The following CDC14B variants were observed in gnomAD, a reference collection of about 807,000 sequenced individuals.
The protein encoded by CDC14B is cell division cycle 14B, also known as dual specificity protein phosphatase CDC14B.
A neutral mutation model predicts 64.2 loss-of-function variants in CDC14B; 22 were observed. The ratio of observed to expected loss-of-function variants is 0.34; its 90% CI spans 0.24 to 0.49. The LOEUF (loss-of-function observed/expected upper bound fraction) is 0.49, where lower values mean the gene tolerates loss of function less well. Among genes scored for constraint, CDC14B ranks in the 20% least tolerant of loss-of-function variants. CDC14B has a pLI of 0.99. For synonymous variants in CDC14B, 191 were observed against 215.8 expected, an observed-to-expected ratio of 0.89 and a Z score of 1.01; for missense variants, 498 against 629.9, an observed-to-expected ratio of 0.79 and a Z score of 2.24.
Position 96,564,797 on chromosome 9 carries a change from T to C in CDC14B, c.307A>G (p.Lys103Glu). The C allele has an allele frequency of 1.2e-6, 2 of 1,600,098 alleles. No individual in the cohort carries two copies. Among genetic ancestry groups the C allele is most frequent in the South Asian group, 1.1e-5 (1 of 88,736 alleles). The change falls in exon 3 of 14, where the codon AAG (lysine) becomes GAG (glutamate). Residue 103 changes from lysine (K) to glutamate (E), a missense_variant. Coordinates refer to ENST00000375241, the MANE Select transcript of CDC14B (RefSeq NM_033331.4). ...TTTACCTTTAATTTCTTATTGATCT[T>C]GCAACAATATCTGTAAACCATTGCC... ...NLAMVYRYCCKINKKLKSITM... is the reference protein window; with the variant it reads ...NLAMVYRYCCEINKKLKSITM...
chr9:96,590,114 C>G (rs967298885), intron 1 of CDC14B, among the ~76,000 whole-genome samples: 2 of 152,146 alleles, frequency 1.3e-5, no homozygotes, highest in Non-Finnish European at 2.9e-5. Context: ...TAAACTGAAA[C>G]TCTATATCCA....
intron 1 of CDC14B, among the ~76,000 whole-genome samples, chr9:96,602,403 C>T (rs1588062079): frequency 6.6e-6 from 1 of 152,154 alleles, no homozygotes; most frequent in East Asian, 1.9e-4. Flanking sequence ...TTTATTACCA[C>T]ATATGTTAGT....
chr9:96,552,787 T>C (rs889111878), intron 4 of CDC14B, among the ~76,000 whole-genome samples: 1 of 152,080 alleles, frequency 6.6e-6, no homozygotes, highest in Non-Finnish European at 1.5e-5. Context: ...TTTCAACTAA[T>C]GTACGGAAGG....
intron 1 of CDC14B, among the ~76,000 whole-genome samples, chr9:96,611,990 T>A (rs1847350082): frequency 6.6e-6 from 1 of 152,208 alleles, no homozygotes; most frequent in Non-Finnish European, 1.5e-5. Context: ...TTAGCTGCAA[T>A]TTAATATTAG....
intron 5 of CDC14B, among the ~76,000 whole-genome samples, chr9:96,551,345 C>T (rs762078885): frequency 1.3e-5 from 2 of 151,936 alleles, no homozygotes; most frequent in Non-Finnish European, 2.9e-5. Context: ...TGGTCTGGAA[C>T]TCCTGGGCTC....
At chr9:96,531,869 G>A (rs958865441) in intron 9 of CDC14B, among the ~76,000 whole-genome samples, 1 of 151,948 alleles carries the variant, frequency 6.6e-6, no homozygotes, top group Admixed American at 6.6e-5. Flanking sequence ...CTTCTCAAAT[G>A]GCTGTGTGTT....
chr9:96,551,644 A>G, intron 5 of CDC14B, 152 bp downstream of exon 5: 1 of 1,068,304 alleles, frequency 9.4e-7, no homozygotes, highest in Non-Finnish European at 1.3e-6. Context: ...AAACGTCAAC[A>G]GTGTCACTGT....
intron 1 of CDC14B, among the ~76,000 whole-genome samples, chr9:96,587,558 C>G (rs1434864427): frequency 6.6e-6 from 1 of 152,220 alleles, no homozygotes; most frequent in Non-Finnish European, 1.5e-5. Flanking sequence ...ACACCAGACA[C>G]TCAGCTAATG....
At chr9:96,506,899 G>C (rs1458751859) in intron 13 of CDC14B, among the ~76,000 whole-genome samples, 1 of 152,216 alleles carries the variant, frequency 6.6e-6, no homozygotes, top group East Asian at 1.9e-4. Flanking sequence ...CCTGGCAAGT[G>C]CCAGCCAGGC....
chr9:96,571,436 A>G (rs1195121310), intron 1 of CDC14B, among the ~76,000 whole-genome samples: 1 of 152,126 alleles, frequency 6.6e-6, no homozygotes, highest in African/African-American at 2.4e-5. Flanking sequence ...GGCCTCCCAG[A>G]GTTTTGGGAT....
intron 1 of CDC14B, among the ~76,000 whole-genome samples, chr9:96,617,702 T>C (rs1847717520): frequency 6.6e-6 from 1 of 152,192 alleles, no homozygotes; most frequent in Non-Finnish European, 1.5e-5. Context: ...GAAGAGTAGT[T>C]GCCTCTAGAG....
At chr9:96,603,467 C>T (rs16911406) in intron 1 of CDC14B, among the ~76,000 whole-genome samples, 4,425 of 152,208 alleles carry the variant, frequency 0.029, 198 homozygotes, top group African/African-American at 0.1. Flanking sequence ...CAGGCATAGG[C>T]CAATGATAAA....
chr9:96,587,913 A>G (rs1845552540), intron 1 of CDC14B, among the ~76,000 whole-genome samples: 2 of 152,104 alleles, frequency 1.3e-5, no homozygotes, highest in Admixed American at 1.3e-4. Flanking sequence ...TCATAGTGTT[A>G]TTTCAAGGAA....
intron 1 of CDC14B, among the ~76,000 whole-genome samples, chr9:96,594,935 G>A (rs1204888437): frequency 3.9e-5 from 6 of 152,038 alleles, no homozygotes; most frequent in Admixed American, 6.6e-5. Context: ...GACGGATCAC[G>A]AGGTCAAGAG....
In CDC14B at chr9:96,503,119, G is replaced by C. The variant is rs1833701567; in HGVS notation, c.*634C>G. 2 of 372,664 alleles carry C rather than the reference G, an allele frequency of 5.4e-6. No individual in the cohort carries two copies. The highest frequency in any genetic ancestry group is 7.6e-5 in the East Asian group (2 of 26,252). 23.1% of individuals were successfully genotyped at this position (372,664 alleles called of 1,614,324 possible). ...TCTCTTGCAAGTTTTAGGTTACTAA[G>C]GTACCACCTGGTCTTACAACATGCA... is the stretch of plus-strand genomic sequence containing the variant. On this transcript the variant is annotated 3_prime_UTR_variant, in exon 14 of 14. Coordinates refer to ENST00000375241, the MANE Select transcript of CDC14B (RefSeq NM_033331.4).
intron 5 of CDC14B, among the ~76,000 whole-genome samples, chr9:96,542,100 T>C (rs542392655): frequency 6.6e-6 from 1 of 152,356 alleles, no homozygotes; most frequent in South Asian, 2.1e-4. Context: ...TACTGTTTTA[T>C]GGGCCTGGAT....
intron 12 of CDC14B, among the ~76,000 whole-genome samples, chr9:96,519,730 TAAAAAAAA>T (rs59101582): frequency 9.0e-6 from 1 of 111,368 alleles, no homozygotes; most frequent in Admixed American, 1.0e-4. Flanking sequence ...GACTCTGTCT[TAAAAAAAA>T]AAAAAAAAAA....
downstream of CDC14B, among the ~76,000 whole-genome samples, chr9:96,498,665 A>G (rs1055416036): frequency 5.9e-5 from 9 of 152,254 alleles, no homozygotes; most frequent in African/African-American, 2.2e-4. Context: ...TCTTTCCCCA[A>G]TTATCTAGAG....
chr9:96,501,902 C>T lies in CDC14B; in HGVS notation c.*1851G>A, dbSNP rs1224620108. ...ACTAAGAAGGGATCAGATAGAAGCACGATTTTCACAACTACCTGGATTATT... is the reference window on the plus strand; with the variant it reads ...ACTAAGAAGGGATCAGATAGAAGCATGATTTTCACAACTACCTGGATTATT... On this transcript the variant is annotated 3_prime_UTR_variant, in exon 14 of 14. Coordinates refer to ENST00000375241, the MANE Select transcript of CDC14B (RefSeq NM_033331.4). The T allele has an allele frequency of 3.9e-5, 6 of 152,140 alleles. No homozygotes were observed. Among genetic ancestry groups the T allele is most frequent in the Non-Finnish European group, 7.3e-5 (5 of 68,068 alleles). The allele number at this position is 152,140 out of a possible 1,614,324, so 9.4% of individuals were successfully genotyped here. A position where few individuals can be genotyped will look rare whatever the true frequency, so the allele number is the denominator to read the frequency against.
Sources: allele counts gnomAD v4.1 joint callset (sites outside exome capture counted in the v4.1 genomes callset), GRCh38; gene constraint gnomAD v4.1.1; transcripts MANE v1.5; gene names NCBI Gene and HGNC (gene_info 2026-07-23, HGNC 2026-07-21).